Variants in SCN2A observed in about 807,000 individuals in gnomAD.
SCN2A encodes sodium voltage-gated channel alpha subunit 2.
In SCN2A, 20 loss-of-function variants were observed where a neutral mutation model predicts 188.7. The ratio of observed to expected loss-of-function variants is 0.11; its 90% confidence interval spans 0.07 to 0.15. The LOEUF is 0.15. Ranked by LOEUF, SCN2A falls within the 10% of genes least tolerant of loss-of-function variation. The pLI is 1.00. For synonymous variants in SCN2A, 804 were observed against 833.1 expected (o/e 0.97, Z 0.60); for missense variants, 1,278 against 2,445.0 (o/e 0.52, Z 10.07).
intron 11 of SCN2A, among the ~76,000 whole-genome samples, chr2:165,317,807 G>C (rs1318124044): frequency 6.6e-6 from 1 of 152,122 alleles, no homozygotes; most frequent in Middle Eastern, 3.4e-3. Flanking sequence ...TTCTTAAGCA[G>C]TCTCTATATA....
chr2:165,263,744 A>G (rs893255427), intron 1 of SCN2A, among the ~76,000 whole-genome samples: 12 of 151,904 alleles, frequency 7.9e-5, no homozygotes, highest in African/African-American at 2.7e-4. Context: ...TTCTAGTTCT[A>G]TGAAGAATAA....
intron 1 of SCN2A, among the ~76,000 whole-genome samples, chr2:165,291,434 T>C (rs868244356): frequency 1.5e-4 from 16 of 105,060 alleles, no homozygotes; most frequent in South Asian, 3.9e-4. Flanking sequence ...CTGTCTTTCT[T>C]TCTCTTTCTT....
At chr2:165,282,317 C>T (rs1165964238) in intron 1 of SCN2A, among the ~76,000 whole-genome samples, 3 of 151,996 alleles carry the variant, frequency 2.0e-5, no homozygotes, top group African/African-American at 7.3e-5. Context: ...TTCTCTGACC[C>T]CAATTGAGGG....
chr2:165,240,979 G>T (rs562173067), intron 1 of SCN2A: 73 of 152,254 alleles, frequency 4.8e-4, no homozygotes, highest in African/African-American at 1.6e-3. Context: ...GTAATTGAGA[G>T]ATAAGGTGGA....
rs753203934 is a variant in SCN2A, at chr2:165,315,552, G to A, written c.1465G>A (p.Val489Ile). 1.3e-5 allele frequency: 21 copies of A among 1,613,994 alleles called. 2 individuals are homozygous for A. In the South Asian group the frequency reaches 2.2e-4, roughly 17 times the overall value. The change falls in exon 11 of 27, where the codon GTA (valine) becomes ATA (isoleucine). Residue 489 changes from valine (V) to isoleucine (I), a missense_variant. Val to Ile is a conservative substitution (Grantham distance 29). This residue lies in a region of SCN2A where 315 missense variants were observed against 386.6 expected (regional missense o/e 0.81). Transcript: ENST00000375437. Reference sequence around the variant, plus strand: ...AGGAGTTTTTTCAGAGAGTTCTTCAGTAGCATCTAAGTTGAGCTCCAAAAG... The same window carrying A: ...AGGAGTTTTTTCAGAGAGTTCTTCAATAGCATCTAAGTTGAGCTCCAAAAG... The part of the protein sequence containing the change: ...GIGVFSESSS[V>I]ASKLSSKSEK...
chr2:165,294,471 A>G (rs2106146604), intron 1 of SCN2A, among the ~76,000 whole-genome samples: 1 of 152,246 alleles, frequency 6.6e-6, no homozygotes, highest in Admixed American at 6.5e-5. Flanking sequence ...CATTTTTTTT[A>G]AATAAAACTG....
intron 1 of SCN2A, chr2:165,290,664 C>T: frequency 2.3e-6 from 1 of 440,276 alleles, no homozygotes; most frequent in South Asian, 9.5e-5. Context: ...TATTGCTGAG[C>T]ACATCTGTAA....
chr2:165,322,858 A>G (rs1698145352), intron 11 of SCN2A, among the ~76,000 whole-genome samples: 1 of 152,218 alleles, frequency 6.6e-6, no homozygotes, highest in African/African-American at 2.4e-5. Flanking sequence ...GTAACAGGAC[A>G]AAACATTATG....
chr2:165,354,937 A>G (rs1700107159), intron 17 of SCN2A, among the ~76,000 whole-genome samples: 1 of 152,180 alleles, frequency 6.6e-6, no homozygotes. Flanking sequence ...TTCAGTATTT[A>G]TAAATAATTT....
At chr2:165,346,051 G>C (rs181916179) in intron 16 of SCN2A, among the ~76,000 whole-genome samples, 2 of 152,210 alleles carry the variant, frequency 1.3e-5, no homozygotes, top group East Asian at 3.9e-4. Flanking sequence ...CTCTCTTCTG[G>C]CTTGTAGGGT....
chr2:165,313,487 C>A, intron 8 of SCN2A, 133 bp from the exon 9 acceptor site: 1 of 896,310 alleles, frequency 1.1e-6, no homozygotes. Context: ...GAGTTAAGTA[C>A]TGGGTAAGGT....
At chr2:165,371,977 T>C (rs1048147182) in intron 20 of SCN2A, 1 of 152,228 alleles carries the variant, frequency 6.6e-6, no homozygotes, top group Admixed American at 6.5e-5. Context: ...TACAACTTCT[T>C]TTCAGCCAGT....
chr2:165,272,620 T>C (rs566601451), intron 1 of SCN2A: 1 of 152,170 alleles, frequency 6.6e-6, no homozygotes, highest in South Asian at 2.1e-4. Flanking sequence ...GCCATAAAAT[T>C]AGTGACACTT....
At chr2:165,291,105 G>C (rs1336269009) in intron 1 of SCN2A, among the ~76,000 whole-genome samples, 1 of 119,446 alleles carries the variant, frequency 8.4e-6, no homozygotes, top group Non-Finnish European at 1.6e-5. Flanking sequence ...GCAGTGGCAT[G>C]ATCTTGGCTT....
intron 1 of SCN2A, among the ~76,000 whole-genome samples, chr2:165,248,325 C>A (rs1342294682): frequency 6.6e-6 from 1 of 152,108 alleles, no homozygotes; most frequent in Non-Finnish European, 1.5e-5. Flanking sequence ...TACAGTATTT[C>A]TCTGAATTTG....
chr2:165,294,250 C>A, intron 1 of SCN2A: 1 of 373,706 alleles, frequency 2.7e-6, no homozygotes, highest in Non-Finnish European at 3.7e-6. Context: ...AAGCTGCTGG[C>A]TGCATGTTTT....
At chr2:165,296,887 A>G in intron 2 of SCN2A, 130 bp from the exon 3 acceptor site, 2 of 573,964 alleles carry the variant, frequency 3.5e-6, no homozygotes, top group Non-Finnish European at 6.2e-6. Flanking sequence ...TTCATGTCAT[A>G]TGATGGTAAT....
chr2:165,365,019 A>T, intron 17 of SCN2A, 124 bp from the exon 18 acceptor site: 1 of 909,356 alleles, frequency 1.1e-6, no homozygotes, highest in Non-Finnish European at 1.7e-6. Context: ...CATTATGTTT[A>T]AGTTCTTAAA....
intron 11 of SCN2A, among the ~76,000 whole-genome samples, chr2:165,321,551 A>G (rs1329962728): frequency 1.3e-5 from 2 of 152,244 alleles, no homozygotes; most frequent in Admixed American, 6.5e-5. Context: ...TTACAGTTCC[A>G]TGTGGCTGGG....
Sources: allele counts gnomAD v4.1 joint callset (sites outside exome capture counted in the v4.1 genomes callset), GRCh38; gene constraint gnomAD v4.1.1; regional missense constraint gnomAD v4.1.1; transcripts MANE v1.5; gene names NCBI Gene and HGNC (gene_info 2026-07-23, HGNC 2026-07-21).